Variants in CEP162 observed in about 807,000 individuals in gnomAD.
CEP162 encodes centrosomal protein 162, also known as centrosomal protein of 162 kDa.
Under a neutral mutation model 169.2 loss-of-function variants are expected in CEP162, and 141 were observed. The observed-to-expected ratio is 0.83, with a 90% CI of 0.73 to 0.96. CEP162 has a LOEUF of 0.96. Ranked by LOEUF, CEP162 falls within the 40% of genes least tolerant of loss-of-function variation. CEP162 has a pLI of 0.00. For synonymous variants in CEP162, 540 were observed against 526.4 expected (o/e 1.03, Z -0.35); for missense variants, 1,600 against 1,587.2 (o/e 1.01, Z -0.14).
chr6:84,145,623 A>G (rs2099518514), intron 25 of CEP162, among the ~76,000 whole-genome samples: 1 of 152,044 alleles, frequency 6.6e-6, no homozygotes, highest in African/African-American at 2.4e-5. Context: ...TCTGTCTATA[A>G]TTCTCCAAAC....
At chr6:84,221,931 C>A (rs1384830664) in intron 2 of CEP162, among the ~76,000 whole-genome samples, 2 of 152,076 alleles carry the variant, frequency 1.3e-5, no homozygotes, top group Non-Finnish European at 2.9e-5. Flanking sequence ...TCTTCACTCC[C>A]TTCTCTCTCT....
At chr6:84,165,832 T>C (rs2099527600) in intron 18 of CEP162, among the ~76,000 whole-genome samples, 1 of 152,238 alleles carries the variant, frequency 6.6e-6, no homozygotes, top group South Asian at 2.1e-4. Context: ...TCTTAGTTTC[T>C]AGCTGCATCG....
Position 84,195,089 on chromosome 6 carries a change from C to A in CEP162, c.836-14G>T, listed in dbSNP as rs746407715. 7 of 1,537,248 alleles carry A rather than the reference C, an allele frequency of 4.6e-6. No individual in the cohort carries two copies. Among genetic ancestry groups the A allele is most frequent in the Admixed American group, 4.5e-5 (2 of 44,272 alleles). On this transcript the variant is annotated splice_polypyrimidine_tract_variant and intron_variant, in intron 9 of 26. Coordinates refer to ENST00000403245, the MANE Select transcript of CEP162 (RefSeq NM_014895.4). ...CATAAGAAACACCTGTTGAAATAAA[C>A]GTAATCACCAGAAATAATTACATCA...
chr6:84,152,404 G>A (rs982863005), intron 23 of CEP162, 141 bp downstream of exon 23: 11 of 483,068 alleles, frequency 2.3e-5, no homozygotes, highest in Admixed American at 3.9e-5. Context: ...CACATGCTCA[G>A]CAATATAATA....
At chr6:84,159,571 T>A (rs2099524851) in intron 21 of CEP162, among the ~76,000 whole-genome samples, 1 of 89,220 alleles carries the variant, frequency 1.1e-5, no homozygotes, top group African/African-American at 5.4e-5. Flanking sequence ...TTTTTTTTTT[T>A]TTTTTTTTTT....
At chr6:84,143,959 C>CT (rs2099517758) in intron 25 of CEP162, among the ~76,000 whole-genome samples, 2 of 151,984 alleles carry the variant, frequency 1.3e-5, no homozygotes, top group African/African-American at 4.8e-5. Context: ...CACTATGCGA[C>CT]TTTCTGTATT....
chr6:84,180,721 AT>A (rs1438811865), intron 13 of CEP162, among the ~76,000 whole-genome samples: 1 of 152,044 alleles, frequency 6.6e-6, no homozygotes, highest in South Asian at 2.1e-4. Context: ...AGAGAGCCAA[AT>A]CATGAGTGAA....
intron 23 of CEP162, among the ~76,000 whole-genome samples, chr6:84,150,514 G>A (rs1314790070): frequency 6.6e-6 from 1 of 151,868 alleles, no homozygotes; most frequent in African/African-American, 2.4e-5. Flanking sequence ...GTGTGAGTAG[G>A]GTCCTAGAAA....
chr6:84,196,559 A>T (rs1395015441), intron 9 of CEP162, among the ~76,000 whole-genome samples: 1 of 152,216 alleles, frequency 6.6e-6, no homozygotes, highest in Admixed American at 6.5e-5. Flanking sequence ...TGTAATTTTC[A>T]TTACTAACAA....
chr6:84,169,770 C>T (rs1715100222), intron 17 of CEP162, among the ~76,000 whole-genome samples: 1 of 152,066 alleles, frequency 6.6e-6, no homozygotes, highest in Non-Finnish European at 1.5e-5. Flanking sequence ...TAATGCAGTC[C>T]TTGTCATATT....
At chr6:84,206,774 T>G (rs1240265942) in intron 6 of CEP162, among the ~76,000 whole-genome samples, 2 of 151,964 alleles carry the variant, frequency 1.3e-5, no homozygotes, top group Non-Finnish European at 2.9e-5. Flanking sequence ...ACCATCAGAG[T>G]GAACAGGCCA....
intron 6 of CEP162, among the ~76,000 whole-genome samples, chr6:84,210,556 G>C (rs77628940): frequency 6.6e-6 from 1 of 152,174 alleles, no homozygotes; most frequent in Non-Finnish European, 1.5e-5. Context: ...ACTGAGTAGA[G>C]GAGAGCGAGA....
chr6:84,175,358 T>C lies in CEP162; in HGVS notation c.1664-11A>G, dbSNP rs751461507. 2.6e-6 allele frequency: 4 copies of C among 1,523,060 alleles called. No homozygotes were observed. Among genetic ancestry groups the C allele is most frequent in the East Asian group, 2.5e-5 (1 of 40,468 alleles). 94.3% of individuals were successfully genotyped at this position (1,523,060 alleles called of 1,614,324 possible). On this transcript the variant is annotated splice_polypyrimidine_tract_variant and intron_variant, in intron 13 of 26. Coordinates refer to ENST00000403245, the MANE Select transcript of CEP162 (RefSeq NM_014895.4). Reference sequence around the variant, plus strand: ...TTCCAGATAAGATTTCTAAATATTATAAACAATGTATAAATGCACCACAAA... The same window carrying C: ...TTCCAGATAAGATTTCTAAATATTACAAACAATGTATAAATGCACCACAAA...
At chr6:84,204,439 C>G (rs1177385901) in intron 6 of CEP162, among the ~76,000 whole-genome samples, 1 of 152,172 alleles carries the variant, frequency 6.6e-6, no homozygotes, top group African/African-American at 2.4e-5. Context: ...CAAAACCGCA[C>G]AACTACATGG....
chr6:84,137,271 T>C (rs1421981570), intron 25 of CEP162, among the ~76,000 whole-genome samples: 1 of 152,168 alleles, frequency 6.6e-6, no homozygotes, highest in Non-Finnish European at 1.5e-5. Flanking sequence ...AGTGTGGCCT[T>C]ATGGTTGTTG....
chr6:84,169,850 T>G (rs2099529289), intron 17 of CEP162, among the ~76,000 whole-genome samples: 1 of 152,212 alleles, frequency 6.6e-6, no homozygotes, highest in Non-Finnish European at 1.5e-5. Flanking sequence ...AAACACAGCC[T>G]AATATCTGGA....
At chr6:84,223,704 T>C (rs920862545) in intron 2 of CEP162, among the ~76,000 whole-genome samples, 1 of 151,484 alleles carries the variant, frequency 6.6e-6, no homozygotes, top group Non-Finnish European at 1.5e-5. Flanking sequence ...GTCAGGTGTT[T>C]CGGACCAGAC....
rs1273696074 is a variant in CEP162, at chr6:84,175,267, G to A, written c.1744C>T (p.Arg582Cys). The A allele has an allele frequency of 1.2e-5, 18 of 1,546,244 alleles. No homozygotes were observed. Among genetic ancestry groups the A allele is most frequent in the Middle Eastern group, 1.7e-4 (1 of 5,974 alleles). The change falls in exon 14 of 27, where the codon CGT becomes TGT. Residue 582 changes from arginine to cysteine, a missense_variant. By Grantham distance (180) the Arg-to-Cys change is radical. Coordinates refer to ENST00000403245, the MANE Select transcript of CEP162 (RefSeq NM_014895.4). ...AHKTESCLSTRKKSENPTETD... is the reference protein window; with the variant it reads ...AHKTESCLSTCKKSENPTETD... ...TCTGTGGGATTTTCAGACTTCTTAC[G>A]AGTAGACAGGCAACTTTCAGTTTTG...
chr6:84,176,316 T>C (rs2099532387), intron 13 of CEP162, among the ~76,000 whole-genome samples: 1 of 152,214 alleles, frequency 6.6e-6, no homozygotes, highest in Non-Finnish European at 1.5e-5. Context: ...TCATTTCAAT[T>C]ATTTTTCCAG....
Sources: allele counts gnomAD v4.1 joint callset (sites outside exome capture counted in the v4.1 genomes callset), GRCh38; gene constraint gnomAD v4.1.1; transcripts MANE v1.5; gene names NCBI Gene and HGNC (gene_info 2026-07-23, HGNC 2026-07-21).